The following TTYH1 variants were observed in gnomAD, a reference collection of about 807,000 sequenced individuals.
The protein encoded by TTYH1 is protein tweety homolog 1.
In TTYH1, 33 loss-of-function variants were observed where a neutral mutation model predicts 61.2. The observed-to-expected ratio is 0.54, with a 90% CI of 0.41 to 0.72. The LOEUF is 0.72. Among genes scored for constraint, TTYH1 ranks in the 30% least tolerant of loss-of-function variants. The pLI is 0.00. For synonymous variants in TTYH1, 308 were observed against 266.4 expected, an observed-to-expected ratio of 1.16 and a Z score of -1.52; for missense variants, 538 against 575.8, an observed-to-expected ratio of 0.93 and a Z score of 0.67.
intron 4 of TTYH1, among the ~76,000 whole-genome samples, chr19:54,426,077 G>A (rs2083314986): frequency 6.6e-6 from 1 of 152,208 alleles, no homozygotes; most frequent in Non-Finnish European, 1.5e-5. Context: ...ACCTCTAAGT[G>A]TGTCCACGTG....
chr19:54,424,867 AC>A (rs1681098974), intron 4 of TTYH1, among the ~76,000 whole-genome samples: 1 of 152,138 alleles, frequency 6.6e-6, no homozygotes, highest in Non-Finnish European at 1.5e-5. Context: ...AGCACTTACT[AC>A]GTGCCGGGCA....
rs1294564893 is a variant in TTYH1 at position 54,422,323 on chromosome 19, A to C, written c.551A>C (p.Gln184Pro). 6.4e-7 allele frequency: 1 copy of C among 1,567,412 alleles called. No individual in the cohort carries two copies. Among genetic ancestry groups the C allele is most frequent in the Non-Finnish European group, 8.6e-7 (1 of 1,157,442 alleles). ...GARRQAEAAAQQLQGLAFWQG... is the reference protein window; with the variant it reads ...GARRQAEAAAPQLQGLAFWQG... ...CGACGGCAGGCGGAGGCTGCGGCCC[A>C]GCAGCTGCAGGGGCTGGCCTTCTGG... is the stretch of plus-strand genomic sequence containing the variant. Residue 184 changes from glutamine (Q) to proline (P), a missense_variant, in exon 4 of 14, where the codon CAG becomes CCG. By Grantham distance (76) the Gln-to-Pro change is moderately conservative. Around this residue, in one of 3 missense-constraint regions of TTYH1, gnomAD observed 378 missense variants for 401.2 expected, o/e 0.94. Transcript: ENST00000376530.
chr19:54,426,110 C>G (rs920709124), intron 4 of TTYH1, among the ~76,000 whole-genome samples: 4 of 152,194 alleles, frequency 2.6e-5, no homozygotes, highest in African/African-American at 9.7e-5. Context: ...CTAAGCACTT[C>G]TAGTCATGCA....
In TTYH1 at chr19:54,435,610, C is replaced by T. The variant is rs1444849981; in HGVS notation, c.1194C>T (p.Phe398=). 6.2e-7 allele frequency: 1 copy of T among 1,612,016 alleles called. No homozygotes were observed. The highest frequency in any genetic ancestry group is 1.7e-5 in the Admixed American group (1 of 59,954). ...ALEGLLFLLL[F]SLLSAGALAT... ...AAGGCCTGCTCTTCCTGCTACTCTT[C>T]TCCCTGCTGTCTGCAGGAGCGCTGG... Residue 398 remains phenylalanine (F), a synonymous_variant, in exon 11 of 14, where the codon TTC becomes TTT. Transcript: ENST00000376530.
rs2083553315 is a variant in TTYH1 at position 54,436,366 on chromosome 19, A to T, written c.*76A>T. 6.2e-7 allele frequency: 1 copy of T among 1,613,574 alleles called. No individual in the cohort carries two copies. The highest frequency in any genetic ancestry group is 8.5e-7 in the Non-Finnish European group (1 of 1,179,884). On this transcript the variant is annotated 3_prime_UTR_variant, in exon 14 of 14. Transcript: ENST00000376530. This position sits in a 1 kb window ranked among gnomAD's most constrained non-coding sequence, Gnocchi z 4.3. ...CTGGCTGCCGGAGGAGACCCCACTA[A>T]CCCAGCCTGCCTGGGCTCTGACCAC...
At chr19:54,435,984 G>A in intron 12 of TTYH1, 107 bp from the exon 13 acceptor site, 1 of 1,575,604 alleles carries the variant, frequency 6.3e-7, no homozygotes, top group Non-Finnish European at 8.7e-7. Context: ...GGAGGGGCTG[G>A]GGCCCGGACT....
chr19:54,416,990 G>T lies in TTYH1; in HGVS notation c.126+1312G>T. ...GGGTCAGGGTCAGGGTGGCAGGGAT[G>T]CGCGGGCAGAGCCCCACAGCCGAGG... On this transcript the variant is annotated intron_variant, in intron 1 of 13. Coordinates refer to ENST00000376530, the MANE Select transcript of TTYH1 (RefSeq NM_020659.4). The surrounding 1 kb of genome is among the most constrained non-coding windows in gnomAD (Gnocchi z 7.0). 1 of 1,203,632 alleles carries T rather than the reference G, an allele frequency of 8.3e-7. No homozygotes were observed. The highest frequency in any genetic ancestry group is 1.5e-5 in the South Asian group (1 of 68,178). The allele number at this position is 1,203,632 out of a possible 1,614,324, so 74.6% of individuals were successfully genotyped here. A position where few individuals can be genotyped will look rare whatever the true frequency, so the allele number is the denominator to read the frequency against.
At position 54,421,470 on chromosome 19, in the gene TTYH1, A is replaced by C; in HGVS notation, c.417+82A>C. The C allele has an allele frequency of 3.2e-6, 3 of 945,170 alleles. No individual in the cohort carries two copies. Among genetic ancestry groups the C allele is most frequent in the Non-Finnish European group, 3.5e-6 (2 of 577,416 alleles). The allele number at this position is 945,170 out of a possible 1,614,324, so 58.5% of individuals were successfully genotyped here. A position where few individuals can be genotyped will look rare whatever the true frequency, so the allele number is the denominator to read the frequency against. On this transcript the variant is annotated intron_variant, in intron 3 of 13. Coordinates refer to ENST00000376530, the MANE Select transcript of TTYH1 (RefSeq NM_020659.4). This position sits in a 1 kb window ranked among gnomAD's most constrained non-coding sequence, Gnocchi z 4.8. ...CCCAAGGACAAAGGGATCCAAACTC[A>C]GAGCTAAGACCCCAGGCTTGAAGCT...
rs2083327868 is a variant in TTYH1 at position 54,426,779 on chromosome 19, G to A, written c.734+11G>A. 2.5e-6 allele frequency: 4 copies of A among 1,611,722 alleles called. No homozygotes were observed. Among genetic ancestry groups the A allele is most frequent in the South Asian group, 2.2e-5 (2 of 91,062 alleles). On this transcript the variant is annotated intron_variant, in intron 5 of 13. Transcript: ENST00000376530. ...GTGGCTGGTGATCGTGTAAGTGCAGGCAGTAGGGGGACCCAGTGCTTGCCT... is the reference window on the plus strand; with the variant it reads ...GTGGCTGGTGATCGTGTAAGTGCAGACAGTAGGGGGACCCAGTGCTTGCCT...
chr19:54,419,256 C>T lies in TTYH1; in HGVS notation c.255C>T (p.Pro85=), dbSNP rs142605148. ...PEPPGSKIPS[P]GGGCVTWSCI... is the part of the protein sequence containing the mutation. ...CCCCCGGGTCCAAGATCCCCTCGCC[C>T]GGGGGAGGCTGCGTCACCTGGAGCT... is the stretch of plus-strand genomic sequence containing the variant. The change falls in exon 2 of 14, where the codon CCC becomes CCT. Residue 85 remains proline (P), a synonymous_variant. Transcript: ENST00000376530. The surrounding 1 kb of genome is among the most constrained non-coding windows in gnomAD (Gnocchi z 6.1). The T allele has an allele frequency of 3.2e-5, 49 of 1,524,144 alleles. No individual in the cohort carries two copies. Among genetic ancestry groups the T allele is most frequent in the African/African-American group, 1.7e-4 (12 of 72,320 alleles). 94.4% of individuals were successfully genotyped at this position (1,524,144 alleles called of 1,614,324 possible). A position where few individuals can be genotyped will look rare whatever the true frequency, so the allele number is the denominator to read the frequency against.
chr19:54,427,618 CAA>C (rs200460828), intron 5 of TTYH1, among the ~76,000 whole-genome samples: 1 of 140,122 alleles, frequency 7.1e-6, no homozygotes, highest in African/African-American at 2.7e-5. Context: ...ACAACAACAA[CAA>C]AAAAAAAAAA....
rs1194967825 is a variant in TTYH1 at position 54,415,824 on chromosome 19, G to C, written c.126+146G>C. On this transcript the variant is annotated intron_variant, in intron 1 of 13. Transcript: ENST00000376530. The surrounding 1 kb of genome is among the most constrained non-coding windows in gnomAD (Gnocchi z 5.2). ...GACTTTGGGGTTTCGGAGGGAGGAG[G>C]AGCCTGGGGGCGCCCATGCCTGGAG... 2.0e-6 allele frequency: 2 copies of C among 992,004 alleles called. No homozygotes were observed. The highest frequency in any genetic ancestry group is 3.4e-5 in the African/African-American group (2 of 59,554). The allele number at this position is 992,004 out of a possible 1,614,324, so 61.5% of individuals were successfully genotyped here. A position where few individuals can be genotyped will look rare whatever the true frequency, so the allele number is the denominator to read the frequency against.
intron 4 of TTYH1, among the ~76,000 whole-genome samples, chr19:54,422,737 T>C (rs2122883668): frequency 6.6e-6 from 1 of 151,992 alleles, no homozygotes; most frequent in Non-Finnish European, 1.5e-5. Flanking sequence ...GAGACCAGCC[T>C]GGCCAACGTG....
rs2083186216 is a variant in TTYH1, at chr19:54,420,382, A to T, written c.306-895A>T. Among the ~76,000 whole-genome samples the T allele has an allele frequency of 6.6e-6, 1 of 152,052 alleles. No individual in the cohort carries two copies. Among genetic ancestry groups the T allele is most frequent in the South Asian group, 2.1e-4 (1 of 4,824 alleles). On this transcript the variant is annotated intron_variant, in intron 2 of 13. Coordinates refer to ENST00000376530, the MANE Select transcript of TTYH1 (RefSeq NM_020659.4). The surrounding 1 kb of genome is among the most constrained non-coding windows in gnomAD (Gnocchi z 4.8). ...TGGACAAAGGCCCAGTGGGGGAGAG[A>T]CACGGCCCCAGCCCCCGCAGCCTGG...
Position 54,429,737 on chromosome 19 carries a change from C to A in TTYH1, c.808-145C>A, listed in dbSNP as rs2083397797. The A allele has an allele frequency of 4.3e-6, 3 of 704,882 alleles. No individual in the cohort carries two copies. Among genetic ancestry groups the A allele is most frequent in the Non-Finnish European group, 7.3e-6 (3 of 411,348 alleles). The allele number at this position is 704,882 out of a possible 1,614,324, so 43.7% of individuals were successfully genotyped here. A position where few individuals can be genotyped will look rare whatever the true frequency, so the allele number is the denominator to read the frequency against. On this transcript the variant is annotated intron_variant, in intron 6 of 13. Transcript: ENST00000376530. This position sits in a 1 kb window ranked among gnomAD's most constrained non-coding sequence, Gnocchi z 5.1. ...GTCTGAGGGACGAGGGGCCTGGGGC[C>A]TGGACTCCTGAGTCTGAGGGAAGAG...
rs1443402025 is a variant in TTYH1, at chr19:54,429,722, C to T, written c.808-160C>T. Among the ~76,000 whole-genome samples, 1 of 146,132 alleles carries T rather than the reference C, an allele frequency of 6.8e-6. No individual in the cohort carries two copies. The highest frequency in any genetic ancestry group is 6.8e-5 in the Admixed American group (1 of 14,774). The stretch of plus-strand genomic sequence containing the variant: ...AGTCTGAACCCCTGAGTCTGAGGGA[C>T]GAGGGGCCTGGGGCCTGGACTCCTG... On this transcript the variant is annotated intron_variant, in intron 6 of 13. Coordinates refer to ENST00000376530, the MANE Select transcript of TTYH1 (RefSeq NM_020659.4). The surrounding 1 kb of genome is among the most constrained non-coding windows in gnomAD (Gnocchi z 5.1).
At position 54,419,651 on chromosome 19, in the gene TTYH1, T is replaced by C. The variant is rs2083166030; in HGVS notation, c.305+345T>C. The C allele has an allele frequency of 5.4e-6, 3 of 559,934 alleles. No homozygotes were observed. In the Admixed American group the frequency reaches 6.6e-5, roughly 12 times the overall value. The allele number at this position is 559,934 out of a possible 1,614,324, so 34.7% of individuals were successfully genotyped here. ...CTCCCTGGGCCTCAATTTCCACATC[T>C]GTAAACTGGGCATTATCATCTCGCC... is the stretch of plus-strand genomic sequence containing the variant. On this transcript the variant is annotated intron_variant, in intron 2 of 13. Coordinates refer to ENST00000376530, the MANE Select transcript of TTYH1 (RefSeq NM_020659.4). The surrounding 1 kb of genome is among the most constrained non-coding windows in gnomAD (Gnocchi z 6.1).
At position 54,435,439 on chromosome 19, in the gene TTYH1, G is replaced by A. The variant is rs552936916; in HGVS notation, c.1126-103G>A. 795 of 1,384,728 alleles carry A rather than the reference G, an allele frequency of 5.7e-4. 2 individuals are homozygous for A. Among genetic ancestry groups the A allele is most frequent in the Non-Finnish European group, 7.5e-4 (770 of 1,025,422 alleles). The allele number at this position is 1,384,728 out of a possible 1,614,324, so 85.8% of individuals were successfully genotyped here. On this transcript the variant is annotated intron_variant, in intron 10 of 13. Transcript: ENST00000376530. ...CTGAGGCACAGAGTGGTCAGTTGAC[G>A]TGTGCAGTACCACAGCCGGGAGGAC...
In TTYH1 at chr19:54,429,844, GT is replaced by G; in HGVS notation, c.808-34del. On this transcript the variant is annotated intron_variant, in intron 6 of 13. Coordinates refer to ENST00000376530, the MANE Select transcript of TTYH1 (RefSeq NM_020659.4). This position sits in a 1 kb window ranked among gnomAD's most constrained non-coding sequence, Gnocchi z 5.1. ...GCTGTGGGAGTGTGGAATCGGGGCA[GT>G]TTTGGGTTTGAGCCCCTTTTCTGCT... 6.3e-7 allele frequency: 1 copy of G among 1,596,740 alleles called. No individual in the cohort carries two copies.
Sources: gnomAD v4.1 joint callset for allele counts (sites outside exome capture counted in the v4.1 genomes callset) on GRCh38, gnomAD v4.1.1 for gene constraint, gnomAD v4.1.1 regional missense constraint, Gnocchi (gnomAD v3.1) non-coding constraint, MANE v1.5 for transcripts, NCBI Gene and HGNC (gene_info 2026-07-23, HGNC 2026-07-21) for gene names.